Variants in PLA2G12A observed in about 807,000 individuals in gnomAD.
PLA2G12A encodes the protein phospholipase A2 group XIIA, also known as group XIIA secretory phospholipase A2.
Under a neutral mutation model 16.0 loss-of-function variants are expected in PLA2G12A, and 11 were observed. The ratio of observed to expected loss-of-function variants is 0.69; its 90% CI spans 0.43 to 1.13. PLA2G12A has a LOEUF of 1.13. PLA2G12A is among the 50% of genes most tolerant of loss of function. The probability of loss-of-function intolerance (pLI) is 0.00; values close to 1 mark genes in which losing one functional copy is unlikely to be tolerated. For missense variants in PLA2G12A, 214 were observed against 237.3 expected, an observed-to-expected ratio of 0.90 and a Z score of 0.65; for synonymous variants, 77 against 93.8, an observed-to-expected ratio of 0.82 and a Z score of 1.03.
At chr4:109,724,975 A>C (rs1172071917) in intron 1 of PLA2G12A, among the ~76,000 whole-genome samples, 1 of 152,228 alleles carries the variant, frequency 6.6e-6, no homozygotes, top group African/African-American at 2.4e-5. Flanking sequence ...GTTTTTTTCA[A>C]GGCAAACTCC....
intron 3 of PLA2G12A, among the ~76,000 whole-genome samples, chr4:109,714,773 C>A (rs1730797523): frequency 6.9e-6 from 1 of 144,416 alleles, no homozygotes; most frequent in Admixed American, 7.0e-5. Flanking sequence ...CTCACTCTGA[C>A]ACCCAGAGTG....
At chr4:109,727,786 G>A (rs1015573754) in intron 1 of PLA2G12A, among the ~76,000 whole-genome samples, 2 of 151,846 alleles carry the variant, frequency 1.3e-5, no homozygotes, top group African/African-American at 4.8e-5. Flanking sequence ...GGGCACAGAG[G>A]GAGACCTTGC....
At chr4:109,720,873 A>T (rs1265631388) in intron 1 of PLA2G12A, among the ~76,000 whole-genome samples, 2 of 151,844 alleles carry the variant, frequency 1.3e-5, no homozygotes, top group East Asian at 3.9e-4. Flanking sequence ...GTTCAACACC[A>T]GCCTGACCAA....
chr4:109,720,072 TGACATCAATTGTTAA>T (rs1302186961), intron 1 of PLA2G12A, among the ~76,000 whole-genome samples: 1 of 152,202 alleles, frequency 6.6e-6, no homozygotes, highest in Non-Finnish European at 1.5e-5. Flanking sequence ...TACTGTGAAA[TGACATCAATTGTTAA>T]GACATTCTTC....
At chr4:109,720,871 C>T (rs994079067) in intron 1 of PLA2G12A, among the ~76,000 whole-genome samples, 12 of 151,650 alleles carry the variant, frequency 7.9e-5, no homozygotes, top group Admixed American at 7.2e-4. Context: ...GAGTTCAACA[C>T]CAGCCTGACC....
intron 1 of PLA2G12A, among the ~76,000 whole-genome samples, chr4:109,723,245 T>C (rs773717867): frequency 6.6e-6 from 1 of 151,918 alleles, no homozygotes; most frequent in Non-Finnish European, 1.5e-5. Flanking sequence ...CTTTCTAAAA[T>C]GGACTTTTTA....
chr4:109,725,693 T>C (rs931886007), intron 1 of PLA2G12A, among the ~76,000 whole-genome samples: 1 of 152,248 alleles, frequency 6.6e-6, no homozygotes, highest in Non-Finnish European at 1.5e-5. Flanking sequence ...CTAAAGATTT[T>C]CATAGACTGA....
chr4:109,719,411 A>G (rs1730880333), intron 1 of PLA2G12A, among the ~76,000 whole-genome samples: 1 of 152,122 alleles, frequency 6.6e-6, no homozygotes, highest in Non-Finnish European at 1.5e-5. Context: ...GGGATACTTG[A>G]TGAACTACGG....
chr4:109,721,698 A>C (rs1326570125), intron 1 of PLA2G12A, among the ~76,000 whole-genome samples: 3 of 152,202 alleles, frequency 2.0e-5, no homozygotes, highest in African/African-American at 7.2e-5. Flanking sequence ...TCCAGTGGGC[A>C]TCTCAAACTT....
chr4:109,726,623 C>T (rs566956174), intron 1 of PLA2G12A, among the ~76,000 whole-genome samples: 1 of 152,268 alleles, frequency 6.6e-6, no homozygotes, highest in East Asian at 1.9e-4. Context: ...ACATACGTCA[C>T]TGAATTAATT....
chr4:109,715,806 T>C (rs939278745), intron 3 of PLA2G12A, among the ~76,000 whole-genome samples: 11 of 152,238 alleles, frequency 7.2e-5, no homozygotes, highest in African/African-American at 2.7e-4. Context: ...TTGAAGACTA[T>C]GAAAAGGTAA....
At chr4:109,720,663 AAAAG>A (rs1267613204) in intron 1 of PLA2G12A, among the ~76,000 whole-genome samples, 4 of 145,496 alleles carry the variant, frequency 2.7e-5, no homozygotes, top group African/African-American at 5.0e-5. Context: ...AAAAAATAAA[AAAAG>A]AAAGAGAAAA....
intron 1 of PLA2G12A, among the ~76,000 whole-genome samples, chr4:109,720,650 T>C (rs190060379): frequency 0.016 from 2,049 of 125,232 alleles, 42 homozygotes; most frequent in Middle Eastern, 0.059. Context: ...TATATGAATT[T>C]TAAAAAAATA....
At chr4:109,725,038 C>T (rs1722902843) in intron 1 of PLA2G12A, among the ~76,000 whole-genome samples, 1 of 152,090 alleles carries the variant, frequency 6.6e-6, no homozygotes, top group East Asian at 1.9e-4. Context: ...TAAAATAGCA[C>T]CCCCTCTCTT....
intron 2 of PLA2G12A, 150 bp downstream of exon 2, chr4:109,718,533 G>T: frequency 1.7e-6 from 1 of 592,228 alleles, no homozygotes; most frequent in African/African-American, 1.9e-5. Context: ...ACTTTTGTTA[G>T]TTTTGCCAAA....
chr4:109,712,329 A>T lies in PLA2G12A; in HGVS notation c.*2048T>A, dbSNP rs954260650. 1 of 151,530 alleles carries T rather than the reference A, an allele frequency of 6.6e-6. No homozygotes were observed. The highest frequency in any genetic ancestry group is 2.4e-5 in the African/African-American group (1 of 41,256). 9.4% of individuals were successfully genotyped at this position (151,530 alleles called of 1,614,324 possible). ...AAAATTATCCCAAGTTTTTTTTTTT[A>T]ATCTGAACATAAAAAACTGTTTCTA... On this transcript the variant is annotated 3_prime_UTR_variant, in exon 4 of 4. Coordinates refer to ENST00000243501, the MANE Select transcript of PLA2G12A (RefSeq NM_030821.5).
At chr4:109,726,553 A>G (rs1579127158) in intron 1 of PLA2G12A, among the ~76,000 whole-genome samples, 1 of 150,890 alleles carries the variant, frequency 6.6e-6, no homozygotes, top group Non-Finnish European at 1.5e-5. Flanking sequence ...TTCCATTTTT[A>G]CTCCCCCACT....
rs117402865 is a variant in PLA2G12A, at chr4:109,721,841, T to C, written c.209-3082A>G. On this transcript the variant is annotated intron_variant, in intron 1 of 3. Coordinates refer to ENST00000243501, the MANE Select transcript of PLA2G12A (RefSeq NM_030821.5). ...ATTTTTGCTTATGTTCTTACGTTCT[T>C]ATACCCCACATTCAATCCAACAGTA... Among the ~76,000 whole-genome samples, 52 of 152,216 alleles carry C rather than the reference T, an allele frequency of 3.4e-4. No individual in the cohort carries two copies. The East Asian group carries it at 9.8e-3, about 29-fold the overall frequency.
intron 1 of PLA2G12A, among the ~76,000 whole-genome samples, chr4:109,720,776 G>C (rs1220532341): frequency 6.7e-6 from 1 of 149,962 alleles, no homozygotes; most frequent in East Asian, 2.0e-4. Context: ...AAGATATAAA[G>C]CTATAGCCTG....
Sources: gnomAD v4.1 joint callset for allele counts (sites outside exome capture counted in the v4.1 genomes callset) on GRCh38, gnomAD v4.1.1 for gene constraint, MANE v1.5 for transcripts, NCBI Gene and HGNC (gene_info 2026-07-23, HGNC 2026-07-21) for gene names.